Variants in SYT16 observed in about 807,000 individuals in gnomAD.
SYT16 encodes synaptotagmin 16, also known as synaptotagmin-16.
In SYT16, 42 loss-of-function variants were observed where a neutral mutation model predicts 61.4. That is an observed-to-expected ratio of 0.68 (90% confidence interval 0.53 to 0.89). SYT16 has a LOEUF of 0.89. SYT16 is among the 40% of genes least tolerant of loss of function. The pLI is 0.00. For missense variants in SYT16, 804 were observed against 807.3 expected, an observed-to-expected ratio of 1.00 and a Z score of 0.05; for synonymous variants, 314 against 302.3, an observed-to-expected ratio of 1.04 and a Z score of -0.40.
chr14:61,860,197 A>G (rs990250669), intron 1 of SYT16, among the ~76,000 whole-genome samples: 1 of 152,232 alleles, frequency 6.6e-6, no homozygotes, highest in Non-Finnish European at 1.5e-5. Context: ...GCTACTTTGA[A>G]AGAACTGCTT....
At position 62,060,511 on chromosome 14, in the gene SYT16, A is replaced by AT. The variant is rs3079201; in HGVS notation, c.524-9079dup. 1.7e-3 allele frequency among the ~76,000 whole-genome samples: 247 copies of AT among 148,682 alleles called. 8 individuals carry two copies. The highest frequency in any genetic ancestry group is 4.4e-3 in the South Asian group (21 of 4,728). On this transcript the variant is annotated intron_variant, in intron 3 of 7. Coordinates refer to ENST00000683842, the MANE Select transcript of SYT16 (RefSeq NM_001367656.1). ...TGAGAAATATCCATAGGATGGTGAA[A>AT]TTTTTTTTTTTTTATCAGAAATTGA...
chr14:62,005,824 T>G (rs1196338464), intron 3 of SYT16, among the ~76,000 whole-genome samples: 1 of 152,190 alleles, frequency 6.6e-6, no homozygotes, highest in Admixed American at 6.5e-5. Context: ...CTTCAGACTG[T>G]GCAGAAGCCT....
intron 3 of SYT16, among the ~76,000 whole-genome samples, chr14:62,044,514 A>G (rs1183614981): frequency 6.6e-6 from 1 of 151,680 alleles, no homozygotes; most frequent in Non-Finnish European, 1.5e-5. Flanking sequence ...ATGTGCTCTC[A>G]TTGTTCAACT....
intron 3 of SYT16, among the ~76,000 whole-genome samples, chr14:62,039,244 G>T (rs1024576398): frequency 1.3e-5 from 2 of 152,196 alleles, no homozygotes; most frequent in African/African-American, 4.8e-5. Context: ...GAGACCTAAT[G>T]CAGACCCTGC....
At chr14:61,881,498 C>G (rs1430653861) in intron 1 of SYT16, among the ~76,000 whole-genome samples, 1 of 152,198 alleles carries the variant, frequency 6.6e-6, no homozygotes, top group Non-Finnish European at 1.5e-5. Context: ...CTCTGCATCT[C>G]TAAGCATCAT....
intron 3 of SYT16, among the ~76,000 whole-genome samples, chr14:62,009,513 A>T (rs1007483084): frequency 3.3e-5 from 5 of 152,180 alleles, no homozygotes; most frequent in African/African-American, 1.2e-4. Flanking sequence ...TTCTCAAACT[A>T]CTATCTCTCA....
At chr14:61,826,718 A>G (rs2045781888) in intron 1 of SYT16, among the ~76,000 whole-genome samples, 1 of 151,932 alleles carries the variant, frequency 6.6e-6, no homozygotes, top group South Asian at 2.1e-4. Context: ...GACTTGCTGC[A>G]TTGGTCAGCT....
intron 1 of SYT16, among the ~76,000 whole-genome samples, chr14:61,856,741 G>A (rs1003043482): frequency 1.3e-5 from 2 of 152,172 alleles, no homozygotes; most frequent in Admixed American, 1.3e-4. Flanking sequence ...GCTTGATATA[G>A]AAATATGGGA....
In SYT16 at chr14:62,105,356, G is replaced by GTAAAA. The variant is rs992460677; in HGVS notation, c.*4654_*4658dup. 1 of 152,132 alleles carries GTAAAA rather than the reference G, an allele frequency of 6.6e-6. No homozygotes were observed. Among genetic ancestry groups the GTAAAA allele is most frequent in the African/African-American group, 2.4e-5 (1 of 41,434 alleles). 9.4% of individuals were successfully genotyped at this position (152,132 alleles called of 1,614,324 possible). A position where few individuals can be genotyped will look rare whatever the true frequency, so the allele number is the denominator to read the frequency against. The stretch of plus-strand genomic sequence containing the variant: ...CATATTTCAACTGTGATCCAAAAAA[G>GTAAAA]TAAAATAAATGATGTGATACTATAC... On this transcript the variant is annotated 3_prime_UTR_variant, in exon 8 of 8. Coordinates refer to ENST00000683842, the MANE Select transcript of SYT16 (RefSeq NM_001367656.1).
intron 3 of SYT16, among the ~76,000 whole-genome samples, chr14:62,051,629 TC>T (rs2094384672): frequency 6.6e-6 from 1 of 152,258 alleles, no homozygotes; most frequent in African/African-American, 2.4e-5. Flanking sequence ...CCTGTATTTT[TC>T]TTTTTAAAAT....
chr14:61,976,858 C>T (rs1183925176), intron 2 of SYT16, among the ~76,000 whole-genome samples: 1 of 152,024 alleles, frequency 6.6e-6, no homozygotes, highest in Non-Finnish European at 1.5e-5. Flanking sequence ...GCTTGAATTT[C>T]TGCCCAGAAA....
At chr14:61,883,842 C>T (rs181332749) in intron 1 of SYT16, among the ~76,000 whole-genome samples, 34 of 152,254 alleles carry the variant, frequency 2.2e-4, no homozygotes, top group African/African-American at 6.0e-4. Context: ...ACAATCATGG[C>T]GGAAAGCAGG....
chr14:62,002,576 T>G (rs1320295692), intron 3 of SYT16, among the ~76,000 whole-genome samples: 1 of 152,148 alleles, frequency 6.6e-6, no homozygotes, highest in Non-Finnish European at 1.5e-5. Context: ...TGTGTTCCTA[T>G]GTCTTGAGGT....
At position 62,080,943 on chromosome 14, in the gene SYT16, C is replaced by T; in HGVS notation, c.1103C>T (p.Thr368Ile). 3 of 1,611,570 alleles carry T rather than the reference C, an allele frequency of 1.9e-6. No homozygotes were observed. Among genetic ancestry groups the T allele is most frequent in the Non-Finnish European group, 2.5e-6 (3 of 1,178,830 alleles). ...FEYRAASQKL[T>I]VTIVRAQGLP... Reference sequence around the variant, plus strand: ...TATAGAGCCGCCAGCCAGAAGCTCACAGTGACCATTGTGAGGGCACAGGGC... The same window carrying T: ...TATAGAGCCGCCAGCCAGAAGCTCATAGTGACCATTGTGAGGGCACAGGGC... Residue 368 changes from threonine to isoleucine, a missense_variant, in exon 6 of 8, where the codon ACA becomes ATA. Thr to Ile is a moderately conservative substitution (Grantham distance 89, BLOSUM62 -1). Coordinates refer to ENST00000683842, the MANE Select transcript of SYT16 (RefSeq NM_001367656.1).
At chr14:61,876,802 G>C (rs144655993) in intron 1 of SYT16, among the ~76,000 whole-genome samples, 2,934 of 152,316 alleles carry the variant, frequency 0.019, 56 homozygotes, top group African/African-American at 0.039. Flanking sequence ...GTAGGAAGCA[G>C]GGGCTGAGCC....
intron 1 of SYT16, among the ~76,000 whole-genome samples, chr14:61,915,017 C>T (rs1407879706): frequency 6.6e-6 from 1 of 152,160 alleles, no homozygotes; most frequent in African/African-American, 2.4e-5. Context: ...TGCTCCTAAT[C>T]ACATAGTCTA....
chr14:62,002,679 G>A (rs1232805094), intron 3 of SYT16, among the ~76,000 whole-genome samples: 1 of 152,050 alleles, frequency 6.6e-6, no homozygotes, highest in African/African-American at 2.4e-5. Flanking sequence ...CTTCCCCAGG[G>A]ATAGAAGTGT....
At chr14:62,067,219 G>A (rs1160432826) in intron 3 of SYT16, among the ~76,000 whole-genome samples, 1 of 152,130 alleles carries the variant, frequency 6.6e-6, no homozygotes, top group Admixed American at 6.5e-5. Context: ...TACTTACCGT[G>A]GAGAAGGCAT....
At chr14:62,077,116 T>C (rs2056525043) in intron 5 of SYT16, among the ~76,000 whole-genome samples, 1 of 152,256 alleles carries the variant, frequency 6.6e-6, no homozygotes, top group Non-Finnish European at 1.5e-5. Flanking sequence ...TTAGCTGTAT[T>C]GAGAACTCTG....
Sources: allele counts gnomAD v4.1 joint callset (sites outside exome capture counted in the v4.1 genomes callset), GRCh38; gene constraint gnomAD v4.1.1; transcripts MANE v1.5; gene names NCBI Gene and HGNC (gene_info 2026-07-23, HGNC 2026-07-21).